MYOM2: variants seen among roughly 807,000 people sequenced by gnomAD.
The protein encoded by MYOM2 is myomesin 2, also known as myomesin-2.
In MYOM2, 254 loss-of-function variants were observed where a neutral mutation model predicts 187.6. The observed-to-expected ratio is 1.35, with a 90% confidence interval of 1.22 to 1.50. The LOEUF (loss-of-function observed/expected upper bound fraction) is 1.50, where lower values mean the gene tolerates loss of function less well. Among genes scored for constraint, MYOM2 ranks in the 40% most tolerant of loss-of-function variants. The pLI, the probability that MYOM2 is intolerant of heterozygous loss-of-function variation, is 0.00. For missense variants in MYOM2, 2,796 were observed against 1,924.0 expected (o/e 1.45, Z -8.48); for synonymous variants, 981 against 753.8 (o/e 1.30, Z -4.94).
At chr8:2,102,892 C>A in intron 21 of MYOM2, 111 bp downstream of exon 21, 1 of 815,272 alleles carries the variant, frequency 1.2e-6, no homozygotes, top group Non-Finnish European at 2.0e-6. Context: ...AGAGTGAACA[C>A]GTGTTATGTG....
intron 18 of MYOM2, among the ~76,000 whole-genome samples, chr8:2,097,628 C>T (rs1796539611): frequency 1.3e-5 from 2 of 152,110 alleles, no homozygotes; most frequent in South Asian, 4.1e-4. Context: ...AATTCTCCTG[C>T]CTTAGCCTCC....
chr8:2,129,526 C>T (rs1230243933), intron 32 of MYOM2, among the ~76,000 whole-genome samples: 6 of 152,100 alleles, frequency 3.9e-5, no homozygotes, highest in Non-Finnish European at 1.5e-5. Context: ...TCTCTGGAAG[C>T]GAACAGAGAG....
chr8:2,067,559 T>C (rs946269661), intron 6 of MYOM2, among the ~76,000 whole-genome samples: 3 of 152,134 alleles, frequency 2.0e-5, no homozygotes, highest in African/African-American at 7.2e-5. Flanking sequence ...TGGTGTTGAG[T>C]AAAAGCTCAG....
chr8:2,106,228 C>T lies in MYOM2; in HGVS notation c.2735-14C>T. 6.2e-7 allele frequency: 1 copy of T among 1,613,640 alleles called. No individual in the cohort carries two copies. Among genetic ancestry groups the T allele is most frequent in the Non-Finnish European group, 8.5e-7 (1 of 1,179,766 alleles). On this transcript the variant is annotated splice_polypyrimidine_tract_variant and intron_variant, in intron 21 of 36. Coordinates refer to ENST00000262113, the MANE Select transcript of MYOM2 (RefSeq NM_003970.4). ...GTGTCCCTAAGCCGCTCACTTCATA[C>T]TCTTCTTATGCAGGCACCAAGGAAA...
At chr8:2,103,588 AT>A (rs1796791116) in intron 21 of MYOM2, among the ~76,000 whole-genome samples, 2 of 150,306 alleles carry the variant, frequency 1.3e-5, no homozygotes, top group Non-Finnish European at 1.5e-5. Context: ...TGCATGTATT[AT>A]GTGTATATGT....
intron 3 of MYOM2, among the ~76,000 whole-genome samples, chr8:2,055,368 G>C (rs1190626807): frequency 6.6e-6 from 1 of 152,142 alleles, no homozygotes; most frequent in Non-Finnish European, 1.5e-5. Flanking sequence ...CTGAGGGAGA[G>C]ACCCCTGTGC....
chr8:2,052,460 T>A (rs1818523966), intron 3 of MYOM2, 147 bp downstream of exon 3: 2 of 817,402 alleles, frequency 2.4e-6, no homozygotes, highest in Non-Finnish European at 3.6e-6. Context: ...AGAATGCTGC[T>A]GTTTCCCAAT....
chr8:2,142,422 A>T (rs755952996), intron 35 of MYOM2, 25 bp downstream of exon 35: 11 of 1,612,778 alleles, frequency 6.8e-6, no homozygotes, highest in Non-Finnish European at 9.3e-6. Context: ...GATTGTAACC[A>T]GGATGGTGAA....
intron 11 of MYOM2, 174 bp downstream of exon 11, chr8:2,076,456 C>A: frequency 2.4e-6 from 2 of 831,064 alleles, no homozygotes; most frequent in Non-Finnish European, 3.6e-6. Flanking sequence ...TAAATACGGC[C>A]AAGTAGGCTG....
rs555170253 is a variant in MYOM2 at position 2,085,461 on chromosome 8, G to A, written c.1644+71G>A. The stretch of plus-strand genomic sequence containing the variant: ...CCCCCACTGTCATGATCTCTGCGTG[G>A]CCCACCGCTGTCGTGATCTCCGCGT... On this transcript the variant is annotated intron_variant, in intron 14 of 36. Coordinates refer to ENST00000262113, the MANE Select transcript of MYOM2 (RefSeq NM_003970.4). 4 of 1,540,904 alleles carry A rather than the reference G, an allele frequency of 2.6e-6. 1 individual carries two copies. In the Admixed American group the frequency reaches 5.6e-5, roughly 22 times the overall value.
intron 14 of MYOM2, among the ~76,000 whole-genome samples, chr8:2,089,115 G>GA (rs35892128): frequency 0.83 from 126,512 of 152,138 alleles, 53,031 homozygotes; most frequent in South Asian, 0.92. Flanking sequence ...GTTGCTATCT[G>GA]AATTTTCAGC....
chr8:2,094,630 G>A (rs914390817), intron 17 of MYOM2, among the ~76,000 whole-genome samples: 8 of 152,090 alleles, frequency 5.3e-5, no homozygotes, highest in Admixed American at 4.6e-4. Flanking sequence ...CAGCCTGGGG[G>A]GACAGAGCAA....
intron 24 of MYOM2, 30 bp from the exon 25 acceptor site, chr8:2,109,365 A>G (rs201449095): frequency 1.2e-5 from 19 of 1,579,916 alleles, no homozygotes; most frequent in Non-Finnish European, 1.5e-5. Context: ...TTCATGCATT[A>G]TTGACTTGCG....
rs376971771 is a variant in MYOM2, at chr8:2,092,398, G to A, written c.1881G>A (p.Ser627=). 41 of 1,614,040 alleles carry A rather than the reference G, an allele frequency of 2.5e-5. No homozygotes were observed. In the East Asian group the frequency reaches 6.7e-4, roughly 26 times the overall value. ...RVLASRNTKT[S]VVVQWDRPKH... ...TTGCTTCCCGAAACACCAAGACGTC[G>A]GTGGTGGTGCAGTGGGACCGACCTA... The change falls in exon 16 of 37, where the codon TCG becomes TCA. Residue 627 remains serine, a synonymous_variant. Coordinates refer to ENST00000262113, the MANE Select transcript of MYOM2 (RefSeq NM_003970.4).
intron 32 of MYOM2, among the ~76,000 whole-genome samples, chr8:2,137,518 CTG>C (rs778746330): frequency 6.6e-6 from 1 of 151,750 alleles, no homozygotes; most frequent in South Asian, 2.1e-4. Flanking sequence ...TCCCACGGGT[CTG>C]TGTGTGTGCA....
Position 2,140,707 on chromosome 8 carries a change from T to TTAAAAAA in MYOM2, c.3801-16_3801-15insTAAAAAA. On this transcript the variant is annotated splice_polypyrimidine_tract_variant and intron_variant, in intron 32 of 36. Coordinates refer to ENST00000262113, the MANE Select transcript of MYOM2 (RefSeq NM_003970.4). ...GGAGACCCTAACTCAGATACGTTCCTGTTGCTCTTTTCAAGAGATGCTAAG... is the reference window on the plus strand; with the variant it reads ...GGAGACCCTAACTCAGATACGTTCCTTAAAAAAGTTGCTCTTTTCAAGAGATGCTAAG... 1 of 1,612,996 alleles carries TTAAAAAA rather than the reference T, an allele frequency of 6.2e-7. No individual in the cohort carries two copies. Among genetic ancestry groups the TTAAAAAA allele is most frequent in the Admixed American group, 1.7e-5 (1 of 59,864 alleles).
intron 33 of MYOM2, 77 bp downstream of exon 33, chr8:2,140,963 T>A (rs1798254646): frequency 6.9e-7 from 1 of 1,447,910 alleles, no homozygotes; most frequent in African/African-American, 1.4e-5. Context: ...GGGAATACAA[T>A]ATGAATACAA....
chr8:2,060,280 A>G (rs903157937), intron 6 of MYOM2, among the ~76,000 whole-genome samples: 2 of 152,194 alleles, frequency 1.3e-5, no homozygotes, highest in African/African-American at 4.8e-5. Flanking sequence ...CACATTTACC[A>G]TGTGACTTTG....
At chr8:2,108,654 T>A (rs1349865236) in intron 23 of MYOM2, 132 bp from the exon 24 acceptor site, 1 of 868,376 alleles carries the variant, frequency 1.2e-6, no homozygotes, top group Non-Finnish European at 1.9e-6. Flanking sequence ...AGACTTGTAG[T>A]TTAAATTCCT....
Sources: allele counts gnomAD v4.1 joint callset (sites outside exome capture counted in the v4.1 genomes callset), GRCh38; gene constraint gnomAD v4.1.1; transcripts MANE v1.5; gene names NCBI Gene and HGNC (gene_info 2026-07-23, HGNC 2026-07-21).